The following NALF1 variants were observed in gnomAD, a reference collection of about 807,000 sequenced individuals.
NALF1 encodes the protein family with sequence similarity 155 member A.
In NALF1, 3 loss-of-function variants were observed where a neutral mutation model predicts 48.4. The ratio of observed to expected loss-of-function variants is 0.06; its 90% CI spans 0.03 to 0.16. The LOEUF is 0.16. Ranked by LOEUF, NALF1 falls within the 10% of genes least tolerant of loss-of-function variation. NALF1 has a pLI of 1.00. For missense variants in NALF1, 526 were observed against 571.5 expected, an observed-to-expected ratio of 0.92 and a Z score of 0.81; for synonymous variants, 262 against 245.7, an observed-to-expected ratio of 1.07 and a Z score of -0.62.
At chr13:107,837,752 G>A (rs550358653) in intron 1 of NALF1, among the ~76,000 whole-genome samples, 8 of 152,140 alleles carry the variant, frequency 5.3e-5, no homozygotes, top group South Asian at 2.1e-4. Context: ...AGAGCCACCC[G>A]GGTGTGAGAA....
chr13:107,547,009 C>T (rs1440101431), intron 1 of NALF1, among the ~76,000 whole-genome samples: 1 of 152,164 alleles, frequency 6.6e-6, no homozygotes, highest in Non-Finnish European at 1.5e-5. Context: ...TGCTCATTTG[C>T]AAGTGGAGAT....
intron 1 of NALF1, among the ~76,000 whole-genome samples, chr13:107,838,825 A>C (rs1215155394): frequency 6.6e-6 from 1 of 152,204 alleles, no homozygotes; most frequent in Non-Finnish European, 1.5e-5. Context: ...TCATCTGCAG[A>C]GTTCGGGGAT....
chr13:107,498,472 T>A (rs567280398), intron 1 of NALF1, among the ~76,000 whole-genome samples: 1 of 152,254 alleles, frequency 6.6e-6, no homozygotes, highest in Admixed American at 6.5e-5. Flanking sequence ...TGAATTTTCA[T>A]GTGATTTTGG....
intron 1 of NALF1, among the ~76,000 whole-genome samples, chr13:107,330,644 T>A (rs1882451918): frequency 6.6e-6 from 1 of 152,240 alleles, no homozygotes; most frequent in Admixed American, 6.5e-5. Context: ...GTCCTGTGCA[T>A]TTTTGCAAGC....
At chr13:107,629,685 CT>C (rs1360628703) in intron 1 of NALF1, among the ~76,000 whole-genome samples, 1 of 152,050 alleles carries the variant, frequency 6.6e-6, no homozygotes, top group Non-Finnish European at 1.5e-5. Flanking sequence ...TTTTTCTTTA[CT>C]GTATTTCAGT....
chr13:107,248,395 T>A (rs539461447), intron 1 of NALF1, among the ~76,000 whole-genome samples: 7 of 152,146 alleles, frequency 4.6e-5, no homozygotes, highest in Admixed American at 4.6e-4. Context: ...GTTATCCAAC[T>A]GCTTATGGCT....
intron 1 of NALF1, among the ~76,000 whole-genome samples, chr13:107,299,471 T>TAATAAA (rs1199620956): frequency 5.8e-5 from 3 of 51,504 alleles, no homozygotes; most frequent in African/African-American, 2.7e-4. Context: ...ATAATAATAA[T>TAATAAA]AAATAAATAA....
At chr13:107,417,463 C>G (rs1884109712) in intron 1 of NALF1, among the ~76,000 whole-genome samples, 1 of 152,172 alleles carries the variant, frequency 6.6e-6, no homozygotes, top group African/African-American at 2.4e-5. Flanking sequence ...TGCAGCTTAA[C>G]ATTTCATTAT....
At chr13:107,387,873 T>C (rs1883556664) in intron 1 of NALF1, among the ~76,000 whole-genome samples, 1 of 152,230 alleles carries the variant, frequency 6.6e-6, no homozygotes. Context: ...CTCACAGTGA[T>C]GGTATTTTCA....
intron 1 of NALF1, among the ~76,000 whole-genome samples, chr13:107,654,787 A>G (rs931644847): frequency 6.6e-6 from 1 of 152,154 alleles, no homozygotes; most frequent in African/African-American, 2.4e-5. Context: ...GCATATCAAA[A>G]AGGTAATCTA....
intron 1 of NALF1, among the ~76,000 whole-genome samples, chr13:107,644,212 C>A (rs955031978): frequency 6.6e-6 from 1 of 151,918 alleles, no homozygotes. Context: ...GAATAAAATA[C>A]AGAACGCCAA....
intron 1 of NALF1, among the ~76,000 whole-genome samples, chr13:107,796,626 C>T (rs904004761): frequency 6.6e-6 from 1 of 152,104 alleles, no homozygotes; most frequent in Non-Finnish European, 1.5e-5. Context: ...GTGTCGTTCC[C>T]CTTCCCTGCA....
chr13:107,406,619 T>C (rs905056306), intron 1 of NALF1, among the ~76,000 whole-genome samples: 3 of 152,016 alleles, frequency 2.0e-5, no homozygotes, highest in Admixed American at 6.6e-5. Flanking sequence ...AGACAATCTC[T>C]ATCTCTATTT....
chr13:107,303,087 G>C (rs752076193), intron 1 of NALF1, among the ~76,000 whole-genome samples: 2 of 152,104 alleles, frequency 1.3e-5, no homozygotes, highest in Non-Finnish European at 2.9e-5. Context: ...AGCTATCCTG[G>C]TGGGTATGAA....
At chr13:107,515,592 C>G (rs1862435677) in intron 1 of NALF1, among the ~76,000 whole-genome samples, 1 of 152,210 alleles carries the variant, frequency 6.6e-6, no homozygotes, top group African/African-American at 2.4e-5. Flanking sequence ...ATATTCTTAT[C>G]TGTTCTCATT....
At chr13:107,490,705 A>T (rs1031907457) in intron 1 of NALF1, among the ~76,000 whole-genome samples, 3 of 152,016 alleles carry the variant, frequency 2.0e-5, no homozygotes, top group African/African-American at 7.3e-5. Flanking sequence ...TGTAACCCTG[A>T]ACTTAAAAGT....
intron 1 of NALF1, among the ~76,000 whole-genome samples, chr13:107,690,533 A>G (rs1881542584): frequency 6.6e-6 from 1 of 152,218 alleles, no homozygotes. Flanking sequence ...GTTTAAGTGG[A>G]ACAGATCAAC....
rs1287757353 is a variant in NALF1, at chr13:107,468,047, C to CAAAA, written c.916-257296_916-257293dup. Among the ~76,000 whole-genome samples, 84 of 75,614 alleles carry CAAAA rather than the reference C, an allele frequency of 1.1e-3. 1 individual carries two copies. The highest frequency in any genetic ancestry group is 3.3e-3 in the African/African-American group (80 of 24,022). The allele number at this position is 75,614 out of a possible 152,430, so 49.6% of individuals were successfully genotyped here. A position where few individuals can be genotyped will look rare whatever the true frequency, so the allele number is the denominator to read the frequency against. On this transcript the variant is annotated intron_variant, in intron 1 of 2. Transcript: ENST00000375915. ...TGGGCGACAGAGCGAGACTCCGTCTCAAAAAAAAAAAAAAAAAAAGTATTA... is the reference window on the plus strand; with the variant it reads ...TGGGCGACAGAGCGAGACTCCGTCTCAAAAAAAAAAAAAAAAAAAAAAAGTATTA...
At chr13:107,482,072 T>A (rs532511662) in intron 1 of NALF1, among the ~76,000 whole-genome samples, 4 of 152,276 alleles carry the variant, frequency 2.6e-5, no homozygotes, top group South Asian at 4.1e-4. Flanking sequence ...GTATTTTTTT[T>A]AATGAGATTA....
Sources: allele counts gnomAD v4.1 joint callset (sites outside exome capture counted in the v4.1 genomes callset), GRCh38; gene constraint gnomAD v4.1.1; transcripts MANE v1.5; gene names NCBI Gene and HGNC (gene_info 2026-07-23, HGNC 2026-07-21).